The following ZNF185 variants were observed in gnomAD, a reference collection of about 807,000 sequenced individuals.
ZNF185 encodes the protein zinc finger protein 185 with LIM domain.
ZNF185 carries 56 observed loss-of-function variants against 58.6 expected under a neutral mutation model. The ratio of observed to expected loss-of-function variants is 0.95; its 90% CI spans 0.77 to 1.19. ZNF185 has a LOEUF of 1.19. Ranked by LOEUF, ZNF185 falls within the 50% of genes most tolerant of loss-of-function variation. The pLI is 0.00. For missense variants in ZNF185, 627 were observed against 573.5 expected (o/e 1.09, Z -0.95); for synonymous variants, 230 against 215.9 (o/e 1.07, Z -0.57).
the ZNF185 span, among the ~76,000 whole-genome samples, chrX:152,900,374 G>A: frequency 8.9e-6 from 1 of 112,804 alleles, no homozygotes; most frequent in Admixed American, 9.3e-5. Context: ...GCCCCCTTTG[G>A]TGCGGGTTTT....
At chrX:152,961,275 G>A (rs1170281040) in intron 17 of ZNF185, among the ~76,000 whole-genome samples, 1 of 111,850 alleles carries the variant, frequency 8.9e-6, no homozygotes, top group Non-Finnish European at 1.9e-5. Flanking sequence ...GGAGAGGGCT[G>A]TGCTAGCTTT....
At chrX:152,952,831 CT>C (rs34933153) in intron 16 of ZNF185, among the ~76,000 whole-genome samples, 3,734 of 93,515 alleles carry the variant, frequency 0.04, 167 homozygotes, top group African/African-American at 0.12. Context: ...TTCGTGATTA[CT>C]TTTTTTTTTT....
At chrX:152,928,752 C>T (rs782061957) in intron 12 of ZNF185, 91 bp downstream of exon 13, 40 of 937,001 alleles carry the variant, frequency 4.3e-5, no homozygotes, top group African/African-American at 3.9e-4. Context: ...AGGCCTAGGG[C>T]CGGCTCTGCC....
intron 12 of ZNF185, among the ~76,000 whole-genome samples, chrX:152,929,765 A>T (rs1353079832): frequency 8.9e-6 from 1 of 112,114 alleles, no homozygotes; most frequent in Non-Finnish European, 1.9e-5. Context: ...CAAAGGGCAG[A>T]AGTAGTTATG....
chrX:152,931,553 CGG>C, intron 12 of ZNF185, 117 bp from the exon 14 acceptor site: 1 of 568,880 alleles, frequency 1.8e-6, no homozygotes. Flanking sequence ...CCACTGCACC[CGG>C]CCCAGTAGCA....
At position 152,917,113 on chromosome X, in the gene ZNF185, CCTT is replaced by C. The variant is rs1245112541; in HGVS notation, c.225-12_225-10del. On this transcript the variant is annotated splice_polypyrimidine_tract_variant and intron_variant, in intron 3 of 22. Transcript: ENST00000449285. Reference sequence around the variant, plus strand: ...CCAGCAAGCCTCGCTTCACTCCACCCCTTCTTCTCTTCGGCAGGCCTCCGAGCA... The same window carrying C: ...CCAGCAAGCCTCGCTTCACTCCACCCCTTCTCTTCGGCAGGCCTCCGAGCA... The C allele has an allele frequency of 4.9e-5, 59 of 1,210,199 alleles. No individual in the cohort carries two copies. The highest frequency in any genetic ancestry group is 6.1e-5 in the Non-Finnish European group (55 of 895,210).
chrX:152,900,277 A>G, the ZNF185 span, among the ~76,000 whole-genome samples: 24 of 112,719 alleles, frequency 2.1e-4, no homozygotes, highest in Non-Finnish European at 1.5e-4. Context: ...TTGCATGCCA[A>G]GCAAACTCCC....
chrX:152,924,915 C>T (rs180707981), intron 11 of ZNF185, among the ~76,000 whole-genome samples: 1,221 of 112,003 alleles, frequency 0.011, 13 homozygotes, highest in African/African-American at 0.038. Flanking sequence ...AACTGCTGAC[C>T]TTGTGATCTG....
At chrX:152,973,178 A>G (rs1234091407) in exon 23 of ZNF185, 2 of 112,061 alleles carry the variant, frequency 1.8e-5, no homozygotes, top group Non-Finnish European at 3.8e-5. Flanking sequence ...GTGCAGGACC[A>G]GTGGATGAAA....
chrX:152,903,605 T>A, the ZNF185 span, among the ~76,000 whole-genome samples: 1 of 109,522 alleles, frequency 9.1e-6, no homozygotes, highest in African/African-American at 3.3e-5. Context: ...CAGAGACAAC[T>A]GCAGGATGAG....
chrX:152,958,195 A>G (rs140528618), intron 16 of ZNF185, among the ~76,000 whole-genome samples: 2 of 111,948 alleles, frequency 1.8e-5, no homozygotes, highest in African/African-American at 6.5e-5. Flanking sequence ...TCCAGAAGCA[A>G]TTAATAGGTT....
chrX:152,949,551 G>A (rs1204628214), intron 16 of ZNF185, among the ~76,000 whole-genome samples: 1 of 111,860 alleles, frequency 8.9e-6, no homozygotes, highest in Non-Finnish European at 1.9e-5. Context: ...AGCATTTAGA[G>A]TCTGTGGGCC....
chrX:152,926,361 C>G (rs1292975265), intron 11 of ZNF185, among the ~76,000 whole-genome samples: 1 of 112,598 alleles, frequency 8.9e-6, no homozygotes, highest in Non-Finnish European at 1.9e-5. Context: ...TCGGGGGCTC[C>G]CAGTCATAGG....
exon 15 of ZNF185, chrX:152,938,126 A>G (rs1556884263): frequency 8.4e-7 from 1 of 1,185,976 alleles, no homozygotes; most frequent in South Asian, 1.9e-5. Flanking sequence ...GAGCAACAGC[A>G]CAGCAGCCCA....
At chrX:152,933,231 AGGCCCAGC>A (rs2045909170) in intron 14 of ZNF185, among the ~76,000 whole-genome samples, 1 of 112,930 alleles carries the variant, frequency 8.9e-6, no homozygotes, top group African/African-American at 3.2e-5. Flanking sequence ...TCACAGCTGG[AGGCCCAGC>A]CCTCACATGG....
intron 16 of ZNF185, among the ~76,000 whole-genome samples, chrX:152,946,829 C>T (rs1031880634): frequency 9.0e-6 from 1 of 111,611 alleles, no homozygotes; most frequent in Admixed American, 9.5e-5. Flanking sequence ...TGGCAGGAAG[C>T]ACCAAGTAGG....
At chrX:152,936,686 G>A (rs1341881446) in intron 14 of ZNF185, among the ~76,000 whole-genome samples, 173 bp downstream of exon 16, 1 of 110,915 alleles carries the variant, frequency 9.0e-6, no homozygotes, top group African/African-American at 3.3e-5. Flanking sequence ...CTGACCAGGG[G>A]CAGTGGAAGA....
chrX:152,911,268 T>C (rs1937140741), upstream of ZNF185, among the ~76,000 whole-genome samples: 1 of 111,875 alleles, frequency 8.9e-6, no homozygotes, highest in Non-Finnish European at 1.9e-5. Context: ...GGCACAGGCA[T>C]TCACTTGGCA....
At chrX:152,941,844 C>T (rs1354672443) in intron 15 of ZNF185, 2 of 1,140,923 alleles carry the variant, frequency 1.8e-6, no homozygotes, top group African/African-American at 3.6e-5. Flanking sequence ...AGGTCTGAAG[C>T]CGCGGCCAGA....
Sources: gnomAD v4.1 joint callset for allele counts (sites outside exome capture counted in the v4.1 genomes callset) on GRCh38, gnomAD v4.1.1 for gene constraint, MANE v1.5 for transcripts, NCBI Gene and HGNC (gene_info 2026-07-23, HGNC 2026-07-21) for gene names.